CALN1: variants seen among roughly 807,000 people sequenced by gnomAD.
The protein encoded by CALN1 is calcium-binding protein 8.
Under a neutral mutation model 30.6 loss-of-function variants are expected in CALN1, and 17 were observed. The observed-to-expected ratio is 0.56, with a 90% CI of 0.38 to 0.83. CALN1 has a LOEUF of 0.83. CALN1 is among the 40% of genes least tolerant of loss of function. The pLI, the probability that CALN1 is intolerant of heterozygous loss-of-function variation, is 0.00. For synonymous variants in CALN1, 156 were observed against 131.4 expected (o/e 1.19, Z -1.28); for missense variants, 291 against 354.9 (o/e 0.82, Z 1.45).
At chr7:71,859,886 C>A (rs534759347) in intron 5 of CALN1, among the ~76,000 whole-genome samples, 2 of 152,244 alleles carry the variant, frequency 1.3e-5, no homozygotes, top group Non-Finnish European at 2.9e-5. Flanking sequence ...GTATTCTTAG[C>A]CTCCAGAGGT....
At chr7:72,475,655 A>G in the CALN1 span, among the ~76,000 whole-genome samples, 1 of 152,178 alleles carries the variant, frequency 6.6e-6, no homozygotes, top group Non-Finnish European at 1.5e-5. Flanking sequence ...ATTTCATGGC[A>G]TATGCCTTTT....
chr7:72,072,638 GGTTT>G (rs1804477648), intron 4 of CALN1, among the ~76,000 whole-genome samples: 1 of 152,014 alleles, frequency 6.6e-6, no homozygotes, highest in Non-Finnish European at 1.5e-5. Flanking sequence ...TTGTAACATT[GGTTT>G]GTAACTCTAC....
chr7:72,057,799 T>A (rs1447805477), intron 4 of CALN1, among the ~76,000 whole-genome samples: 3 of 152,150 alleles, frequency 2.0e-5, no homozygotes, highest in Non-Finnish European at 4.4e-5. Flanking sequence ...TGATCCCCTA[T>A]TTTGGTGTGG....
At chr7:72,378,116 C>T (rs1804676398) in intron 2 of CALN1, among the ~76,000 whole-genome samples, 1 of 152,092 alleles carries the variant, frequency 6.6e-6, no homozygotes, top group Non-Finnish European at 1.5e-5. Flanking sequence ...AACTAACAAC[C>T]CCTGGTAGTG....
At chr7:72,160,835 T>C (rs1299436952) in intron 3 of CALN1, among the ~76,000 whole-genome samples, 2 of 152,334 alleles carry the variant, frequency 1.3e-5, no homozygotes, top group South Asian at 2.1e-4. Flanking sequence ...ACCAGCACCA[T>C]GGCTGCTGCA....
At chr7:71,894,523 G>A (rs992809094) in intron 5 of CALN1, among the ~76,000 whole-genome samples, 2 of 152,004 alleles carry the variant, frequency 1.3e-5, no homozygotes, top group Admixed American at 6.6e-5. Context: ...CTCCCACCTC[G>A]ACCTCCCAGA....
intron 5 of CALN1, among the ~76,000 whole-genome samples, chr7:72,010,223 G>A (rs1201020250): frequency 6.6e-6 from 1 of 152,098 alleles, no homozygotes; most frequent in Non-Finnish European, 1.5e-5. Flanking sequence ...GATCCTGAAA[G>A]TGGAGACTCA....
At chr7:71,992,525 T>G (rs749615952) in intron 5 of CALN1, among the ~76,000 whole-genome samples, 1 of 152,084 alleles carries the variant, frequency 6.6e-6, no homozygotes, top group Non-Finnish European at 1.5e-5. Flanking sequence ...CCCGCTAAGT[T>G]TTAAATTTTT....
At chr7:71,829,868 C>G (rs17144018) in intron 5 of CALN1, among the ~76,000 whole-genome samples, 1 of 152,040 alleles carries the variant, frequency 6.6e-6, no homozygotes, top group African/African-American at 2.4e-5. Context: ...CATTGCACAT[C>G]GAAGAGGATG....
chr7:72,203,986 T>A (rs1364038553), intron 3 of CALN1, among the ~76,000 whole-genome samples: 3 of 63,880 alleles, frequency 4.7e-5, no homozygotes, highest in South Asian at 5.8e-4. Context: ...TCTCTTTTTT[T>A]TTTTTTTTTT....
intron 4 of CALN1, among the ~76,000 whole-genome samples, chr7:72,028,986 A>C (rs1219792789): frequency 3.3e-5 from 5 of 152,282 alleles, no homozygotes; most frequent in African/African-American, 1.2e-4. Flanking sequence ...GCAAGACTCC[A>C]TCTCAAATAT....
chr7:71,790,424 G>GA (rs1040789927), intron 6 of CALN1, among the ~76,000 whole-genome samples: 1 of 148,070 alleles, frequency 6.8e-6, no homozygotes, highest in East Asian at 2.0e-4. Context: ...AAGAAAGAAA[G>GA]AAGCAAGCAA....
At chr7:72,359,682 G>A (rs1477271782) in intron 2 of CALN1, among the ~76,000 whole-genome samples, 1 of 151,960 alleles carries the variant, frequency 6.6e-6, no homozygotes, top group Non-Finnish European at 1.5e-5. Flanking sequence ...TGTGAAAGTT[G>A]ACCTGGATTG....
intron 5 of CALN1, among the ~76,000 whole-genome samples, chr7:71,988,122 TGTC>T (rs1418308745): frequency 6.6e-5 from 10 of 152,122 alleles, no homozygotes; most frequent in Non-Finnish European, 1.5e-4. Flanking sequence ...CCACCATCAT[TGTC>T]GTCATCACAG....
chr7:72,406,604 G>A (rs909002252), intron 1 of CALN1, among the ~76,000 whole-genome samples: 6 of 144,610 alleles, frequency 4.1e-5, no homozygotes, highest in African/African-American at 1.3e-4. Context: ...CCACATGAGG[G>A]TCCTTGTCAG....
intron 5 of CALN1, among the ~76,000 whole-genome samples, chr7:71,973,334 C>T (rs940199873): frequency 2.6e-5 from 4 of 152,104 alleles, no homozygotes; most frequent in Admixed American, 6.6e-5. Context: ...CACCATCACG[C>T]CGAGCTAATT....
chr7:71,791,543 C>T (rs1027614967), intron 6 of CALN1, among the ~76,000 whole-genome samples: 1 of 152,054 alleles, frequency 6.6e-6, no homozygotes, highest in Non-Finnish European at 1.5e-5. Flanking sequence ...GACACTGGGG[C>T]CCACTTGAGG....
intron 3 of CALN1, among the ~76,000 whole-genome samples, chr7:72,142,680 A>C (rs1810040627): frequency 6.6e-6 from 1 of 152,142 alleles, no homozygotes; most frequent in Admixed American, 6.5e-5. Flanking sequence ...CTGCCTCCTC[A>C]AGTGGGTCCT....
At chr7:72,263,554 C>G (rs911801748) in intron 3 of CALN1, among the ~76,000 whole-genome samples, 2 of 152,040 alleles carry the variant, frequency 1.3e-5, no homozygotes, top group Non-Finnish European at 2.9e-5. Context: ...CACCACCATG[C>G]CTGGCTAACT....
Sources: gnomAD v4.1 joint callset for allele counts (sites outside exome capture counted in the v4.1 genomes callset) on GRCh38, gnomAD v4.1.1 for gene constraint, MANE v1.5 for transcripts, NCBI Gene and HGNC (gene_info 2026-07-23, HGNC 2026-07-21) for gene names.